NUP210L: variants seen among roughly 807,000 people sequenced by gnomAD.
NUP210L encodes the protein nuclear pore membrane glycoprotein 210-like.
Under a neutral mutation model 208.5 loss-of-function variants are expected in NUP210L, and 74 were observed. The ratio of observed to expected loss-of-function variants is 0.35; its 90% CI spans 0.29 to 0.43. NUP210L has a LOEUF of 0.43. Ranked by LOEUF, NUP210L falls within the 20% of genes least tolerant of loss-of-function variation. The pLI, the probability that NUP210L is intolerant of heterozygous loss-of-function variation, is 1.00. For missense variants in NUP210L, 1,843 were observed against 2,289.4 expected, an observed-to-expected ratio of 0.81 and a Z score of 3.98; for synonymous variants, 780 against 816.9, an observed-to-expected ratio of 0.95 and a Z score of 0.77.
At chr1:154,050,913 G>A (rs1035016309) in intron 25 of NUP210L, among the ~76,000 whole-genome samples, 2 of 152,160 alleles carry the variant, frequency 1.3e-5, no homozygotes, top group African/African-American at 4.8e-5. Flanking sequence ...AGCTCAAAAA[G>A]CAGAGCTTGT....
At chr1:154,078,028 T>C (rs1557960837) in intron 16 of NUP210L, among the ~76,000 whole-genome samples, 1 of 150,470 alleles carries the variant, frequency 6.6e-6, no homozygotes, top group African/African-American at 2.5e-5. Context: ...AATTATAGGC[T>C]GTGTGGTGGC....
intron 35 of NUP210L, among the ~76,000 whole-genome samples, chr1:154,006,967 T>TATATATA (rs57242105): frequency 0.037 from 3,493 of 94,458 alleles, 77 homozygotes; most frequent in Middle Eastern, 0.06. Flanking sequence ...TATATATATA[T>TATATATA]TTTTTTTTTT....
At chr1:154,061,245 G>T (rs914134239) in intron 18 of NUP210L, among the ~76,000 whole-genome samples, 199 bp from the exon 19 acceptor site, 4 of 152,080 alleles carry the variant, frequency 2.6e-5, no homozygotes, top group African/African-American at 9.7e-5. Context: ...AGGCATGGTG[G>T]TGGGTGTCTG....
intron 33 of NUP210L, among the ~76,000 whole-genome samples, chr1:154,013,962 A>G (rs1241225816): frequency 2.6e-5 from 4 of 151,890 alleles, no homozygotes; most frequent in Non-Finnish European, 4.4e-5. Flanking sequence ...ATGGGATTTC[A>G]CCATGTTGGC....
rs745734865 is a variant in NUP210L at position 154,117,706 on chromosome 1, T to C, written c.1620+19A>G. The C allele has an allele frequency of 1.1e-5, 17 of 1,600,410 alleles. No individual in the cohort carries two copies. Among genetic ancestry groups the C allele is most frequent in the Non-Finnish European group, 1.4e-5 (16 of 1,170,156 alleles). The stretch of plus-strand genomic sequence containing the variant: ...AGTAGTGTTGTAGGGGTAATAAGAA[T>C]ATCTGGAGAGTCGTTTACCTTAATT... On this transcript the variant is annotated intron_variant, in intron 12 of 39. Coordinates refer to ENST00000368559, the Ensembl canonical transcript of NUP210L.
intron 14 of NUP210L, among the ~76,000 whole-genome samples, chr1:154,099,504 G>C (rs1203205816): frequency 6.6e-6 from 1 of 152,190 alleles, no homozygotes; most frequent in Non-Finnish European, 1.5e-5. Context: ...TAATGAACCA[G>C]TCCTTAGGGC....
chr1:154,023,150 T>G (rs1651661099), exon 31 of NUP210L: 2 of 1,613,856 alleles, frequency 1.2e-6, no homozygotes, highest in Non-Finnish European at 1.7e-6. Flanking sequence ...AGCTGGGTAT[T>G]GTGTGTGTGG....
chr1:154,139,731 C>T, intron 5 of NUP210L, 71 bp downstream of exon 5: 2 of 1,157,716 alleles, frequency 1.7e-6, no homozygotes, highest in Non-Finnish European at 2.5e-6. Context: ...TCTTGTAGTA[C>T]CTGGGCAACA....
At chr1:154,115,017 A>G (rs1049057077) in intron 12 of NUP210L, among the ~76,000 whole-genome samples, 1 of 152,122 alleles carries the variant, frequency 6.6e-6, no homozygotes, top group Non-Finnish European at 1.5e-5. Context: ...GTTAAAAAAG[A>G]TTATCATTTG....
At chr1:154,154,163 TAATAC>T (rs1447342832) in intron 1 of NUP210L, among the ~76,000 whole-genome samples, 1 of 152,204 alleles carries the variant, frequency 6.6e-6, no homozygotes, top group East Asian at 1.9e-4. Context: ...GCAATTTTGA[TAATAC>T]AGACAGATCT....
rs1658504965 is a variant in NUP210L, at chr1:154,135,812, A to G, written c.1009+2T>C. The G allele has an allele frequency of 6.2e-7, 1 of 1,613,186 alleles. No homozygotes were observed. Among genetic ancestry groups the G allele is most frequent in the Non-Finnish European group, 8.5e-7 (1 of 1,179,314 alleles). ...GCAGCTAAAACTTGAACAAAAGGAT[A>G]CTTTTATGGACAAAGACAAGATTAG... On this transcript the variant is annotated splice_donor_variant, in intron 7 of 39. Coordinates refer to ENST00000368559, the Ensembl canonical transcript of NUP210L. LOFTEE classifies it high-confidence loss of function.
Position 154,105,016 on chromosome 1 carries a change from G to C in NUP210L, c.1621-806C>G, listed in dbSNP as rs114614398. On this transcript the variant is annotated intron_variant, in intron 12 of 39. Coordinates refer to ENST00000368559, the Ensembl canonical transcript of NUP210L. ...GAGAGGGGAGAGTAAAAAGGACTTTGTTTTGCAACTCGGATAATAGCTCAG... is the reference window on the plus strand; with the variant it reads ...GAGAGGGGAGAGTAAAAAGGACTTTCTTTTGCAACTCGGATAATAGCTCAG... Among the ~76,000 whole-genome samples the C allele has an allele frequency of 6.8e-3, 1,029 of 152,264 alleles. 10 individuals are homozygous for C. Among genetic ancestry groups the C allele is most frequent in the African/African-American group, 0.024 (988 of 41,544 alleles).
chr1:154,133,574 T>C (rs1198575017), intron 7 of NUP210L, among the ~76,000 whole-genome samples: 3 of 147,710 alleles, frequency 2.0e-5, no homozygotes, highest in Non-Finnish European at 4.5e-5. Flanking sequence ...GTGTGGTGGC[T>C]CATGCCTGGA....
At chr1:154,133,387 C>T (rs1013243631) in intron 7 of NUP210L, among the ~76,000 whole-genome samples, 2 of 151,536 alleles carry the variant, frequency 1.3e-5, no homozygotes, top group Non-Finnish European at 2.9e-5. Context: ...GACATCTCTA[C>T]AAAAAAAGAC....
At chr1:154,108,588 T>A (rs1335299320) in intron 12 of NUP210L, among the ~76,000 whole-genome samples, 1 of 151,382 alleles carries the variant, frequency 6.6e-6, no homozygotes, top group Non-Finnish European at 1.5e-5. Context: ...CATGGTAACC[T>A]GACAAAAATA....
intron 5 of NUP210L, among the ~76,000 whole-genome samples, chr1:154,139,321 G>A (rs537719370): frequency 1.3e-5 from 2 of 152,188 alleles, no homozygotes; most frequent in African/African-American, 4.8e-5. Context: ...TGAATAAAAT[G>A]TAGTTATATA....
chr1:154,012,986 A>G (rs1557913427), intron 33 of NUP210L, among the ~76,000 whole-genome samples: 1 of 145,112 alleles, frequency 6.9e-6, no homozygotes, highest in Non-Finnish European at 1.5e-5. Context: ...AGCCTGGGCA[A>G]CAAGAGTGAA....
At chr1:154,016,216 A>G (rs1031934769) in intron 33 of NUP210L, among the ~76,000 whole-genome samples, 1 of 151,938 alleles carries the variant, frequency 6.6e-6, no homozygotes, top group Non-Finnish European at 1.5e-5. Flanking sequence ...TGATTGCATC[A>G]TTGTATTCCA....
intron 7 of NUP210L, among the ~76,000 whole-genome samples, chr1:154,130,119 G>A (rs572242949): frequency 9.2e-5 from 14 of 152,060 alleles, no homozygotes; most frequent in South Asian, 8.4e-4. Flanking sequence ...TGGGTGGACT[G>A]TCTGAGGTCA....
Sources: allele counts gnomAD v4.1 joint callset (sites outside exome capture counted in the v4.1 genomes callset), GRCh38; gene constraint gnomAD v4.1.1; transcripts MANE v1.5; gene names NCBI Gene and HGNC (gene_info 2026-07-23, HGNC 2026-07-21).